Variants in CADM2 observed in about 807,000 individuals in gnomAD.
The protein encoded by CADM2 is immunoglobulin superfamily member 4D.
CADM2 carries 12 observed loss-of-function variants against 49.8 expected under a neutral mutation model. The ratio of observed to expected loss-of-function variants is 0.24; its 90% confidence interval spans 0.15 to 0.39. The LOEUF is 0.39. CADM2 is among the 10% of genes least tolerant of loss of function. The probability of loss-of-function intolerance (pLI) is 1.00; values close to 1 mark genes in which losing one functional copy is unlikely to be tolerated. For synonymous variants in CADM2, 214 were observed against 175.4 expected, an observed-to-expected ratio of 1.22 and a Z score of -1.74; for missense variants, 378 against 492.3, an observed-to-expected ratio of 0.77 and a Z score of 2.20.
chr3:85,435,287 G>A (rs1041105154), intron 1 of CADM2, among the ~76,000 whole-genome samples: 2 of 151,978 alleles, frequency 1.3e-5, no homozygotes, highest in Admixed American at 1.3e-4. Context: ...CTGTTCCTCT[G>A]TTACTTTGCT....
rs529167218 is a variant in CADM2, at chr3:85,365,296, G to A, written c.62-361226G>A. Among the ~76,000 whole-genome samples, 3 of 149,260 alleles carry A rather than the reference G, an allele frequency of 2.0e-5. No individual in the cohort carries two copies. The East Asian group carries it at 6.1e-4, about 30-fold the overall frequency. On this transcript the variant is annotated intron_variant, in intron 1 of 9. Coordinates refer to ENST00000383699, the MANE Select transcript of CADM2 (RefSeq NM_001167675.2). ...GGCTGCAATCAGCTGTAATGGAAGA[G>A]GGCTTTTCTCTTTGCCACCCTGACT...
chr3:85,026,626 A>G (rs966931429), intron 1 of CADM2, among the ~76,000 whole-genome samples: 7 of 152,314 alleles, frequency 4.6e-5, no homozygotes, highest in African/African-American at 1.4e-4. Flanking sequence ...GAAATTGAGA[A>G]CAAAATAAGT....
At chr3:85,319,962 C>T (rs2044559512) in intron 1 of CADM2, among the ~76,000 whole-genome samples, 2 of 152,136 alleles carry the variant, frequency 1.3e-5, no homozygotes, top group Non-Finnish European at 2.9e-5. Flanking sequence ...CTTCAGTCCC[C>T]TAAAGTAGGT....
intron 1 of CADM2, among the ~76,000 whole-genome samples, chr3:85,098,256 GAA>G (rs5850666): frequency 0.062 from 7,285 of 117,402 alleles, 228 homozygotes; most frequent in East Asian, 0.22. Context: ...CATTATCGTA[GAA>G]AAAAAAAAAA....
At chr3:85,325,268 T>A (rs1469814826) in intron 1 of CADM2, among the ~76,000 whole-genome samples, 1 of 152,240 alleles carries the variant, frequency 6.6e-6, no homozygotes. Context: ...TTAATGAACT[T>A]GATAGTGTCA....
chr3:85,419,896 CA>C (rs2036090454), intron 1 of CADM2, among the ~76,000 whole-genome samples: 1 of 152,110 alleles, frequency 6.6e-6, no homozygotes, highest in Non-Finnish European at 1.5e-5. Context: ...ATTCTCCATC[CA>C]CGGGCATTCT....
At chr3:85,721,244 C>A (rs1226230159) in intron 1 of CADM2, among the ~76,000 whole-genome samples, 1 of 152,160 alleles carries the variant, frequency 6.6e-6, no homozygotes, top group African/African-American at 2.4e-5. Flanking sequence ...TACTGCACAG[C>A]ATCTTCCAAT....
intron 1 of CADM2, among the ~76,000 whole-genome samples, chr3:85,718,585 A>C (rs952670809): frequency 6.6e-6 from 1 of 152,322 alleles, no homozygotes; most frequent in Non-Finnish European, 1.5e-5. Context: ...AACTTTAAAG[A>C]GATGTTTGAA....
chr3:85,006,135 G>T (rs975595927), intron 1 of CADM2, among the ~76,000 whole-genome samples: 1 of 152,124 alleles, frequency 6.6e-6, no homozygotes, highest in Non-Finnish European at 1.5e-5. Context: ...GCAGCCAGCA[G>T]ATCAACATTG....
chr3:85,321,116 A>ATATTTT (rs2044596196), intron 1 of CADM2, among the ~76,000 whole-genome samples: 2 of 27,496 alleles, frequency 7.3e-5, no homozygotes, highest in Non-Finnish European at 1.3e-4. Flanking sequence ...ATATATATAT[A>ATATTTT]TTTTTTTTTT....
intron 1 of CADM2, among the ~76,000 whole-genome samples, chr3:85,597,603 A>G (rs1233102365): frequency 6.6e-6 from 1 of 152,078 alleles, no homozygotes; most frequent in African/African-American, 2.4e-5. Context: ...TTTAAAATTA[A>G]TTATTAGTTT....
intron 1 of CADM2, among the ~76,000 whole-genome samples, chr3:85,477,094 C>CT (rs1317521252): frequency 2.0e-5 from 3 of 151,840 alleles, no homozygotes; most frequent in African/African-American, 7.3e-5. Flanking sequence ...TTAGTTAAGA[C>CT]TTTTGCCTGA....
chr3:85,565,600 C>T (rs2062232924), intron 1 of CADM2, among the ~76,000 whole-genome samples: 1 of 151,986 alleles, frequency 6.6e-6, no homozygotes, highest in Admixed American at 6.6e-5. Flanking sequence ...TCATATCTCT[C>T]TGTGAATCAT....
At chr3:85,571,495 G>A (rs961110918) in intron 1 of CADM2, among the ~76,000 whole-genome samples, 12 of 151,854 alleles carry the variant, frequency 7.9e-5, no homozygotes, top group Admixed American at 4.6e-4. Context: ...GTGCACATGT[G>A]TGTATTTAAT....
chr3:85,319,574 A>C (rs1373389522), intron 1 of CADM2, among the ~76,000 whole-genome samples: 1 of 152,216 alleles, frequency 6.6e-6, no homozygotes, highest in African/African-American at 2.4e-5. Flanking sequence ...TCGGATAAAG[A>C]AAATGTGGTA....
At chr3:85,775,491 T>C (rs2070316610) in intron 2 of CADM2, among the ~76,000 whole-genome samples, 1 of 151,816 alleles carries the variant, frequency 6.6e-6, no homozygotes, top group South Asian at 2.1e-4. Context: ...GTGATGACTA[T>C]ATTGTAGCTT....
chr3:85,801,218 G>A (rs945241238), intron 2 of CADM2, among the ~76,000 whole-genome samples: 1 of 151,180 alleles, frequency 6.6e-6, no homozygotes, highest in Non-Finnish European at 1.5e-5. Context: ...CACTTATTAA[G>A]TAAATTTATT....
chr3:85,377,247 G>A (rs147415913), intron 1 of CADM2, among the ~76,000 whole-genome samples: 1 of 152,176 alleles, frequency 6.6e-6, no homozygotes, highest in East Asian at 1.9e-4. Context: ...ACAAAAGTAT[G>A]ATTAGTGAAG....
intron 1 of CADM2, among the ~76,000 whole-genome samples, chr3:85,296,296 A>G (rs1418843741): frequency 6.6e-6 from 1 of 152,114 alleles, no homozygotes; most frequent in South Asian, 2.1e-4. Context: ...AAGCAGTACA[A>G]GAATTAATAT....
Sources: gnomAD v4.1 joint callset for allele counts (sites outside exome capture counted in the v4.1 genomes callset) on GRCh38, gnomAD v4.1.1 for gene constraint, MANE v1.5 for transcripts, NCBI Gene and HGNC (gene_info 2026-07-23, HGNC 2026-07-21) for gene names.